ERC2: variants seen among roughly 807,000 people sequenced by gnomAD.
The protein encoded by ERC2 is ERC protein 2.
In ERC2, 42 loss-of-function variants were observed where a neutral mutation model predicts 114.8. The ratio of observed to expected loss-of-function variants is 0.37; its 90% CI spans 0.29 to 0.47. ERC2 has a LOEUF of 0.47. ERC2 is among the 20% of genes least tolerant of loss of function. ERC2 has a pLI of 0.99. For missense variants in ERC2, 939 were observed against 1,150.7 expected (o/e 0.82, Z 2.66); for synonymous variants, 454 against 425.5 (o/e 1.07, Z -0.82).
chr3:55,637,052 G>A (rs2059987391), intron 17 of ERC2, among the ~76,000 whole-genome samples: 1 of 152,140 alleles, frequency 6.6e-6, no homozygotes, highest in African/African-American at 2.4e-5. Flanking sequence ...CTGTCTTCCT[G>A]TCCCTCTCCT....
chr3:55,939,880 T>G (rs746780487), intron 13 of ERC2, among the ~76,000 whole-genome samples: 1 of 152,238 alleles, frequency 6.6e-6, no homozygotes, highest in Non-Finnish European at 1.5e-5. Context: ...AGAGTTCTAA[T>G]CCATCTTGCA....
At chr3:56,244,272 A>G (rs1387599715) in intron 3 of ERC2, among the ~76,000 whole-genome samples, 1 of 152,160 alleles carries the variant, frequency 6.6e-6, no homozygotes, top group Non-Finnish European at 1.5e-5. Context: ...GTTGTATAAG[A>G]GTATAACACA....
chr3:56,056,810 G>A (rs770859982), intron 7 of ERC2, among the ~76,000 whole-genome samples: 7 of 152,124 alleles, frequency 4.6e-5, no homozygotes, highest in Non-Finnish European at 8.8e-5. Flanking sequence ...AATGAATGAA[G>A]ACACCTTCCC....
chr3:55,724,304 G>C (rs1191287150), intron 15 of ERC2, among the ~76,000 whole-genome samples: 1 of 152,200 alleles, frequency 6.6e-6, no homozygotes, highest in Non-Finnish European at 1.5e-5. Flanking sequence ...GGCCAGGCGA[G>C]AAGGGTCAGG....
intron 6 of ERC2, among the ~76,000 whole-genome samples, chr3:56,107,413 C>G (rs1315194073): frequency 6.6e-6 from 1 of 152,048 alleles, no homozygotes; most frequent in East Asian, 1.9e-4. Context: ...GTCTCTGACT[C>G]AACCAAGGGG....
At chr3:56,151,759 G>A (rs528045700) in intron 4 of ERC2, among the ~76,000 whole-genome samples, 29 of 152,124 alleles carry the variant, frequency 1.9e-4, no homozygotes, top group Non-Finnish European at 2.9e-4. Context: ...GTCCTGATGT[G>A]GCTGAATGTG....
intron 17 of ERC2, among the ~76,000 whole-genome samples, chr3:55,546,604 T>C (rs2054770185): frequency 6.6e-6 from 1 of 152,204 alleles, no homozygotes; most frequent in Non-Finnish European, 1.5e-5. Context: ...TTCAATAATG[T>C]GTGTTGAATG....
intron 1 of ERC2, among the ~76,000 whole-genome samples, chr3:56,443,025 C>A (rs1438335721): frequency 1.3e-5 from 2 of 152,244 alleles, no homozygotes; most frequent in Middle Eastern, 6.8e-3. Flanking sequence ...TCAGAATTGA[C>A]CTCTAACAGG....
intron 2 of ERC2, among the ~76,000 whole-genome samples, chr3:56,355,800 T>A (rs765749226): frequency 1.3e-5 from 2 of 152,182 alleles, no homozygotes; most frequent in Non-Finnish European, 2.9e-5. Flanking sequence ...ACAAGTCCAT[T>A]GAATCCCAGA....
intron 17 of ERC2, among the ~76,000 whole-genome samples, chr3:55,619,662 A>G (rs1226737352): frequency 6.6e-6 from 1 of 152,204 alleles, no homozygotes; most frequent in African/African-American, 2.4e-5. Flanking sequence ...TCTGATCTTC[A>G]GAAACTGTTG....
At chr3:56,045,625 TA>T (rs2075416632) in intron 7 of ERC2, among the ~76,000 whole-genome samples, 2 of 152,222 alleles carry the variant, frequency 1.3e-5, no homozygotes, top group Admixed American at 1.3e-4. Context: ...TGAGCACCTT[TA>T]AAATTTATAT....
intron 14 of ERC2, among the ~76,000 whole-genome samples, chr3:55,763,955 A>G (rs2067608481): frequency 6.6e-6 from 1 of 152,168 alleles, no homozygotes. Flanking sequence ...ACGTATTTTT[A>G]TGAATATTAT....
At chr3:56,046,512 A>C (rs1264786080) in intron 7 of ERC2, among the ~76,000 whole-genome samples, 2 of 152,220 alleles carry the variant, frequency 1.3e-5, no homozygotes, top group Non-Finnish European at 2.9e-5. Flanking sequence ...GGAAGTCACC[A>C]GTTACTTATG....
chr3:55,606,537 T>C (rs145090116), intron 17 of ERC2: 1 of 152,230 alleles, frequency 6.6e-6, no homozygotes, highest in Non-Finnish European at 1.5e-5. Flanking sequence ...GTGGCCACCA[T>C]GAGGCTGACA....
At chr3:55,902,393 C>T (rs147343073) in intron 13 of ERC2, among the ~76,000 whole-genome samples, 3 of 152,026 alleles carry the variant, frequency 2.0e-5, no homozygotes, top group African/African-American at 7.2e-5. Context: ...GCGATTACTG[C>T]GACATGGAAA....
At chr3:55,907,377 C>T (rs1234772734) in intron 13 of ERC2, among the ~76,000 whole-genome samples, 3 of 152,110 alleles carry the variant, frequency 2.0e-5, no homozygotes, top group Admixed American at 2.0e-4. Flanking sequence ...GATATCATGC[C>T]CTGCTGCACA....
At chr3:55,678,483 G>A (rs996152101) in intron 17 of ERC2, among the ~76,000 whole-genome samples, 7 of 151,956 alleles carry the variant, frequency 4.6e-5, no homozygotes, top group African/African-American at 1.5e-4. Flanking sequence ...ACAACTCTGG[G>A]GTTTTTGTTT....
chr3:55,968,796 C>T (rs1457110637), intron 12 of ERC2, among the ~76,000 whole-genome samples: 1 of 152,098 alleles, frequency 6.6e-6, no homozygotes, highest in Non-Finnish European at 1.5e-5. Context: ...CTGTGCATTC[C>T]TGGTACAAAT....
chr3:55,511,475 C>T (rs1846592), intron 17 of ERC2, among the ~76,000 whole-genome samples, 199 bp from the exon 18 acceptor site: 26,051 of 152,070 alleles, frequency 0.17, 2,553 homozygotes, highest in Non-Finnish European at 0.23. Flanking sequence ...AGATAAACTA[C>T]GTCCTGCAAG....
Sources: allele counts gnomAD v4.1 joint callset (sites outside exome capture counted in the v4.1 genomes callset), GRCh38; gene constraint gnomAD v4.1.1; transcripts MANE v1.5; gene names NCBI Gene and HGNC (gene_info 2026-07-23, HGNC 2026-07-21).